Variants in MKLN1 observed in about 807,000 individuals in gnomAD.
The protein encoded by MKLN1 is muskelin.
MKLN1 carries 18 observed loss-of-function variants against 99.0 expected under a neutral mutation model. The observed-to-expected ratio is 0.18, with a 90% CI of 0.13 to 0.27. MKLN1 has a LOEUF of 0.27. Among genes scored for constraint, MKLN1 ranks in the 10% least tolerant of loss-of-function variants. The probability of loss-of-function intolerance (pLI) is 1.00; values close to 1 mark genes in which losing one functional copy is unlikely to be tolerated. For missense variants in MKLN1, 621 were observed against 875.9 expected (o/e 0.71, Z 3.67); for synonymous variants, 288 against 293.2 (o/e 0.98, Z 0.18).
intron 1 of MKLN1, among the ~76,000 whole-genome samples, chr7:131,364,073 A>G (rs540625962): frequency 1.3e-5 from 2 of 152,234 alleles, no homozygotes; most frequent in African/African-American, 2.4e-5. Flanking sequence ...CCTCTGCAGT[A>G]TATGTAAGTC....
At chr7:131,345,228 G>A (rs1230036301) in intron 1 of MKLN1, among the ~76,000 whole-genome samples, 2 of 152,192 alleles carry the variant, frequency 1.3e-5, no homozygotes, top group Non-Finnish European at 2.9e-5. Flanking sequence ...TACTTGAAAT[G>A]CTTAAGACCG....
At chr7:131,451,671 AT>A (rs1415983014) in intron 12 of MKLN1, among the ~76,000 whole-genome samples, 2 of 152,190 alleles carry the variant, frequency 1.3e-5, no homozygotes, top group East Asian at 3.8e-4. Context: ...GCTTTAAGGG[AT>A]TTATTAGCAT....
At chr7:131,344,646 C>T (rs1799501483) in intron 1 of MKLN1, among the ~76,000 whole-genome samples, 1 of 152,194 alleles carries the variant, frequency 6.6e-6, no homozygotes, top group Admixed American at 6.5e-5. Context: ...TGCCTAAGAA[C>T]TTGCCTGTGG....
chr7:131,418,500 CAAAA>C (rs896077918), intron 8 of MKLN1, among the ~76,000 whole-genome samples: 1 of 150,974 alleles, frequency 6.6e-6, no homozygotes, highest in Non-Finnish European at 1.5e-5. Flanking sequence ...TATGAGCTTA[CAAAA>C]AAAATCACAA....
intron 3 of MKLN1, among the ~76,000 whole-genome samples, chr7:131,271,510 G>A (rs377542): frequency 3.9e-5 from 6 of 151,954 alleles, no homozygotes; most frequent in East Asian, 1.9e-4. Flanking sequence ...CCAGCTACTC[G>A]GGAGGCTGAG....
At chr7:131,366,676 G>A (rs1800192340) in intron 1 of MKLN1, among the ~76,000 whole-genome samples, 1 of 152,134 alleles carries the variant, frequency 6.6e-6, no homozygotes, top group Non-Finnish European at 1.5e-5. Context: ...GCCGGGCATG[G>A]TGGCAGGCAC....
chr7:131,404,200 G>A (rs1794633723), intron 6 of MKLN1, among the ~76,000 whole-genome samples: 1 of 152,126 alleles, frequency 6.6e-6, no homozygotes, highest in African/African-American at 2.4e-5. Context: ...TTATCTTTTG[G>A]TATGTTTGGG....
chr7:131,111,991 A>G (rs763956354), intron 1 of MKLN1, among the ~76,000 whole-genome samples: 1 of 152,206 alleles, frequency 6.6e-6, no homozygotes, highest in Non-Finnish European at 1.5e-5. Flanking sequence ...CAATTCCTCT[A>G]TGTCCCTGGA....
chr7:131,405,798 T>C (rs1794686365), intron 6 of MKLN1, among the ~76,000 whole-genome samples: 1 of 152,152 alleles, frequency 6.6e-6, no homozygotes, highest in Non-Finnish European at 1.5e-5. Flanking sequence ...CCTGTATGTT[T>C]CCAGTCCTTT....
chr7:131,489,995 T>A lies in MKLN1; in HGVS notation c.*2267T>A, dbSNP rs1797385246. The A allele has an allele frequency of 6.6e-6, 1 of 152,496 alleles. No homozygotes were observed. The highest frequency in any genetic ancestry group is 2.1e-4 in the South Asian group (1 of 4,832). The allele number at this position is 152,496 out of a possible 1,614,324, so 9.4% of individuals were successfully genotyped here. ...AGGAGATAATTGAAAAGTCAGACTC[T>A]GTACTGTGGGGCTTTAATCGGAGCA... On this transcript the variant is annotated 3_prime_UTR_variant, in exon 18 of 18. Transcript: ENST00000352689.
chr7:131,332,673 TGTC>T (rs761463324), intron 1 of MKLN1, among the ~76,000 whole-genome samples: 2 of 151,982 alleles, frequency 1.3e-5, no homozygotes, highest in Non-Finnish European at 2.9e-5. Flanking sequence ...AATTTACTGT[TGTC>T]CTGTTTGCTG....
At chr7:131,334,970 T>C (rs1043859617) in intron 1 of MKLN1, among the ~76,000 whole-genome samples, 3 of 152,202 alleles carry the variant, frequency 2.0e-5, no homozygotes, top group African/African-American at 7.2e-5. Flanking sequence ...TCTAGGTCTT[T>C]ATAGGTTCAA....
chr7:131,290,906 A>G (rs1323107597), intron 3 of MKLN1, among the ~76,000 whole-genome samples: 1 of 152,144 alleles, frequency 6.6e-6, no homozygotes, highest in Non-Finnish European at 1.5e-5. Context: ...TCATCAGGAT[A>G]TGGAAAGACA....
At chr7:131,283,996 T>C (rs1424157677) in intron 3 of MKLN1, among the ~76,000 whole-genome samples, 3 of 152,212 alleles carry the variant, frequency 2.0e-5, no homozygotes, top group Non-Finnish European at 4.4e-5. Flanking sequence ...AATGTAGTGC[T>C]CCATTGTGTA....
intron 2 of MKLN1, among the ~76,000 whole-genome samples, chr7:131,167,612 C>T (rs1026625456): frequency 1.4e-5 from 2 of 147,330 alleles, no homozygotes; most frequent in African/African-American, 5.0e-5. Context: ...GTTGAGGCTG[C>T]AGTGAGCTGT....
At chr7:131,233,029 CGTAA>C (rs993881684) in intron 3 of MKLN1, among the ~76,000 whole-genome samples, 4 of 151,838 alleles carry the variant, frequency 2.6e-5, no homozygotes, top group South Asian at 2.1e-4. Flanking sequence ...AAGAAAGTGG[CGTAA>C]GTGTTTAATT....
rs563433036 is a variant in MKLN1, at chr7:131,125,811, T to C, written c.-419+15604T>C. ...CGAGGTCAGGAGATCGAGACCATCCTGGCTAACACAGTGAAACCCCGTCTC... is the reference window on the plus strand; with the variant it reads ...CGAGGTCAGGAGATCGAGACCATCCCGGCTAACACAGTGAAACCCCGTCTC... On this transcript the variant is annotated intron_variant, in intron 1 of 7. Coordinates refer to the MKLN1 transcript ENST00000416992. Among the ~76,000 whole-genome samples the C allele has an allele frequency of 3.9e-5, 6 of 152,000 alleles. No homozygotes were observed. In the East Asian group the frequency reaches 1.2e-3, roughly 29 times the overall value.
chr7:131,202,507 C>T (rs1482874533), intron 2 of MKLN1, among the ~76,000 whole-genome samples: 1 of 152,100 alleles, frequency 6.6e-6, no homozygotes, highest in Non-Finnish European at 1.5e-5. Context: ...CCTCCTTATG[C>T]GCCAGGACAA....
rs547636908 is a variant in MKLN1 at position 131,166,748 on chromosome 7, C to T, written c.-297+23807C>T. On this transcript the variant is annotated intron_variant, in intron 2 of 7. Transcript: ENST00000416992. ...TTGCCCAGGCTGGAGTGCAGTGGCA[C>T]GATCTCGGCTCACTGCAACCTCCGT... Among the ~76,000 whole-genome samples the T allele has an allele frequency of 3.3e-5, 5 of 152,288 alleles. No individual in the cohort carries two copies. In the South Asian group the frequency reaches 6.2e-4, roughly 19 times the overall value.
Sources: allele counts gnomAD v4.1 joint callset (sites outside exome capture counted in the v4.1 genomes callset), GRCh38; gene constraint gnomAD v4.1.1; transcripts MANE v1.5; gene names NCBI Gene and HGNC (gene_info 2026-07-23, HGNC 2026-07-21).